Variants in GUCA1C observed in about 807,000 individuals in gnomAD.
The protein encoded by GUCA1C is guanylyl cyclase-activating protein 3.
A neutral mutation model predicts 16.2 loss-of-function variants in GUCA1C; 15 were observed. The observed-to-expected ratio is 0.93, with a 90% confidence interval of 0.62 to 1.43. The LOEUF (loss-of-function observed/expected upper bound fraction) is 1.43. GUCA1C is among the 40% of genes most tolerant of loss of function. The probability of loss-of-function intolerance (pLI) is 0.00; values close to 1 mark genes in which losing one functional copy is unlikely to be tolerated. For synonymous variants in GUCA1C, 78 were observed against 85.4 expected, an observed-to-expected ratio of 0.91 and a Z score of 0.48; for missense variants, 275 against 244.8, an observed-to-expected ratio of 1.12 and a Z score of -0.82.
In GUCA1C at chr3:108,923,254, T is replaced by A. The variant is rs528109538; in HGVS notation, c.205-2669A>T. On this transcript the variant is annotated intron_variant, in intron 1 of 3. Coordinates refer to ENST00000261047, the MANE Select transcript of GUCA1C (RefSeq NM_005459.4). ...TGAAGTCTTTGCCTAAGCCAAGGTC[T>A]AGAAGGGTTTTTCTAGTGTTATCTT... Among the ~76,000 whole-genome samples, 265 of 152,328 alleles carry A rather than the reference T, an allele frequency of 1.7e-3. 5 individuals are homozygous for A. The highest frequency in any genetic ancestry group is 6.1e-3 in the African/African-American group (255 of 41,572).
intron 2 of GUCA1C, among the ~76,000 whole-genome samples, chr3:108,918,288 A>G (rs1326975251): frequency 6.6e-6 from 1 of 152,054 alleles, no homozygotes; most frequent in Non-Finnish European, 1.5e-5. Flanking sequence ...AGTTTTCTTC[A>G]CCTCTTCCAG....
intron 1 of GUCA1C, among the ~76,000 whole-genome samples, chr3:108,935,457 G>C (rs189383075): frequency 6.6e-6 from 1 of 152,018 alleles, no homozygotes; most frequent in Non-Finnish European, 1.5e-5. Flanking sequence ...TTGGGAGGCC[G>C]AGGAAGGCAG....
In GUCA1C at chr3:108,920,466, A is replaced by T. The variant is rs1386839969; in HGVS notation, c.324T>A (p.Ile108=). The T allele has an allele frequency of 6.2e-7, 1 of 1,608,956 alleles. No homozygotes were observed. Among genetic ancestry groups the T allele is most frequent in the Non-Finnish European group, 8.5e-7 (1 of 1,175,712 alleles). ...KLYDADGNGS[I]DKNELLDMFM... ...ACATGTCCAGTAGTTCATTTTTGTC[A>T]ATAGAACCATTTCCATCAGCATCAT... is the stretch of plus-strand genomic sequence containing the variant. Residue 108 remains isoleucine, a synonymous_variant, in exon 2 of 4, where the codon ATT becomes ATA. Coordinates refer to ENST00000261047, the MANE Select transcript of GUCA1C (RefSeq NM_005459.4).
At position 108,920,543 on chromosome 3, in the gene GUCA1C, G is replaced by T; in HGVS notation, c.247C>A (p.Leu83Ile). The change falls in exon 2 of 4, where the codon CTA (leucine) becomes ATA (isoleucine). Residue 83 changes from leucine (L) to isoleucine (I), a missense_variant. By Grantham distance (5) the Leu-to-Ile change is conservative. Coordinates refer to ENST00000261047, the MANE Select transcript of GUCA1C (RefSeq NM_005459.4). ...DFLEFIAAVN[L>I]IMQEKMEQKL... ...TGCTCCATTTTTTCTTGCATGATTA[G>T]ATTTACAGCAGCAATAAACTCCAAA... 3 of 1,557,508 alleles carry T rather than the reference G, an allele frequency of 1.9e-6. No homozygotes were observed. The highest frequency in any genetic ancestry group is 2.7e-6 in the Non-Finnish European group (3 of 1,128,776).
chr3:108,912,310 A>AGCAT lies in GUCA1C; in HGVS notation c.442+3813_442+3816dup, dbSNP rs1227750605. ...CATGTCAAGAATGATGCCTAAATAGAGCATGGTAGAATATGGATTGCTATT... is the reference window on the plus strand; with the variant it reads ...CATGTCAAGAATGATGCCTAAATAGAGCATGCATGGTAGAATATGGATTGCTATT... On this transcript the variant is annotated intron_variant, in intron 3 of 3. Coordinates refer to ENST00000261047, the MANE Select transcript of GUCA1C (RefSeq NM_005459.4). 3.3e-5 allele frequency among the ~76,000 whole-genome samples: 5 copies of AGCAT among 151,946 alleles called. No homozygotes were observed. The East Asian group carries it at 5.8e-4, about 18-fold the overall frequency.
intron 2 of GUCA1C, among the ~76,000 whole-genome samples, chr3:108,917,678 C>T (rs1242007370): frequency 6.6e-6 from 1 of 151,478 alleles, no homozygotes; most frequent in Non-Finnish European, 1.5e-5. Flanking sequence ...GAGGTGTAGA[C>T]TCTCTCTCCT....
chr3:108,910,368 G>A (rs918277038), intron 3 of GUCA1C, among the ~76,000 whole-genome samples: 7 of 151,874 alleles, frequency 4.6e-5, no homozygotes, highest in African/African-American at 1.7e-4. Flanking sequence ...CGTGGTGGAG[G>A]GCGCCTGTAG....
chr3:108,941,027 A>T (rs1358108908), intron 1 of GUCA1C, among the ~76,000 whole-genome samples: 5 of 151,938 alleles, frequency 3.3e-5, no homozygotes, highest in Admixed American at 3.3e-4. Flanking sequence ...CTGGGCTGTG[A>T]TTCATATCAT....
intron 2 of GUCA1C, among the ~76,000 whole-genome samples, chr3:108,918,587 C>A (rs533766459): frequency 1.3e-5 from 2 of 152,154 alleles, no homozygotes; most frequent in Non-Finnish European, 2.9e-5. Context: ...ACAAATGTCC[C>A]TCAAAAATCC....
intron 1 of GUCA1C, among the ~76,000 whole-genome samples, chr3:108,945,334 G>A (rs946874906): frequency 6.6e-6 from 1 of 152,246 alleles, no homozygotes; most frequent in African/African-American, 2.4e-5. Context: ...GGTAGTTGCT[G>A]TGGCTGGTCT....
intron 1 of GUCA1C, among the ~76,000 whole-genome samples, chr3:108,953,221 C>T (rs576778674): frequency 1.3e-5 from 2 of 152,256 alleles, no homozygotes; most frequent in East Asian, 1.9e-4. Flanking sequence ...GCATTAAATA[C>T]TTCGAAAACA....
At position 108,927,147 on chromosome 3, in the gene GUCA1C, C is replaced by T. The variant is rs185346180; in HGVS notation, c.205-6562G>A. On this transcript the variant is annotated intron_variant, in intron 1 of 3. Transcript: ENST00000261047. ...TATAGGTTGCCTGATGCTTTTGCCT[C>T]GCAGCTCTTAAGATTCTTTCATTTG... Among the ~76,000 whole-genome samples the T allele has an allele frequency of 3.7e-3, 565 of 152,240 alleles. 4 individuals carry two copies. Among genetic ancestry groups the T allele is most frequent in the Non-Finnish European group, 6.2e-3 (419 of 68,018 alleles).
rs369776238 is a variant in GUCA1C at position 108,929,422 on chromosome 3, CCAAA to C, written c.205-8841_205-8838del. ...CAAAGACAGTTTTATTTTCTCCTTC[CCAAA>C]CAGTTTAAATTTTATATACTTTTCT... is the stretch of plus-strand genomic sequence containing the variant. On this transcript the variant is annotated intron_variant, in intron 1 of 3. Transcript: ENST00000261047. Among the ~76,000 whole-genome samples the C allele has an allele frequency of 3.9e-3, 594 of 152,074 alleles. 4 individuals are homozygous for C. The highest frequency in any genetic ancestry group is 0.014 in the African/African-American group (565 of 41,482).
At chr3:108,919,617 T>C (rs960641894) in intron 2 of GUCA1C, among the ~76,000 whole-genome samples, 1 of 152,194 alleles carries the variant, frequency 6.6e-6, no homozygotes, top group Non-Finnish European at 1.5e-5. Context: ...TTTATCTGCT[T>C]TGAACGTTTG....
At chr3:108,934,327 C>A (rs988016218) in intron 1 of GUCA1C, among the ~76,000 whole-genome samples, 1 of 152,070 alleles carries the variant, frequency 6.6e-6, no homozygotes, top group Non-Finnish European at 1.5e-5. Flanking sequence ...ACATGTATAC[C>A]AGGACTTAAA....
At chr3:108,954,854 A>G (rs1946932977), upstream of GUCA1C, among the ~76,000 whole-genome samples, 1 of 149,870 alleles carries the variant, frequency 6.7e-6, no homozygotes, top group African/African-American at 2.5e-5. Flanking sequence ...CTCCTGCCTC[A>G]GCCTCCAGAG....
Position 108,916,114 on chromosome 3 carries a change from G to A in GUCA1C, c.442+13C>T. On this transcript the variant is annotated intron_variant, in intron 3 of 3. Coordinates refer to ENST00000261047, the MANE Select transcript of GUCA1C (RefSeq NM_005459.4). ...TGTAGGAAAAGTGATCCAGTAGAGA[G>A]TAGCTCCATTACCATCATTGTTTAT... The A allele has an allele frequency of 4.3e-6, 7 of 1,612,814 alleles. No homozygotes were observed. The highest frequency in any genetic ancestry group is 5.9e-6 in the Non-Finnish European group (7 of 1,179,012).
intron 3 of GUCA1C, among the ~76,000 whole-genome samples, 154 bp from the exon 4 acceptor site, chr3:108,908,363 A>C (rs1018983663): frequency 3.9e-5 from 6 of 152,026 alleles, no homozygotes; most frequent in African/African-American, 7.3e-5. Context: ...AAACAAAAAA[A>C]AAAAAAAAAA....
rs901921077 is a variant in GUCA1C, at chr3:108,910,366, A to C, written c.443-2157T>G. Among the ~76,000 whole-genome samples, 8 of 151,856 alleles carry C rather than the reference A, an allele frequency of 5.3e-5. No individual in the cohort carries two copies. In the East Asian group the frequency reaches 1.4e-3, roughly 26 times the overall value. Reference sequence around the variant, plus strand: ...ACAAAAAAGTAGCCGAGCGTGGTGGAGGGCGCCTGTAGTCCCACCTACTTG... The same window carrying C: ...ACAAAAAAGTAGCCGAGCGTGGTGGCGGGCGCCTGTAGTCCCACCTACTTG... On this transcript the variant is annotated intron_variant, in intron 3 of 3. Coordinates refer to ENST00000261047, the MANE Select transcript of GUCA1C (RefSeq NM_005459.4).
Sources: gnomAD v4.1 joint callset for allele counts (sites outside exome capture counted in the v4.1 genomes callset) on GRCh38, gnomAD v4.1.1 for gene constraint, MANE v1.5 for transcripts, NCBI Gene and HGNC (gene_info 2026-07-23, HGNC 2026-07-21) for gene names.